The following LRMDA variants were observed in gnomAD, a reference collection of about 807,000 sequenced individuals.
The protein encoded by LRMDA is leucine-rich melanocyte differentiation-associated protein.
Under a neutral mutation model 29.8 loss-of-function variants are expected in LRMDA, and 18 were observed. The ratio of observed to expected loss-of-function variants is 0.60; its 90% CI spans 0.42 to 0.90. The LOEUF (loss-of-function observed/expected upper bound fraction) is 0.90, where lower values mean the gene tolerates loss of function less well. Among genes scored for constraint, LRMDA ranks in the 40% least tolerant of loss-of-function variants. LRMDA has a pLI of 0.00. For synonymous variants in LRMDA, 125 were observed against 109.4 expected (o/e 1.14, Z -0.89); for missense variants, 273 against 273.9 (o/e 1.00, Z 0.02).
chr10:76,416,485 C>T (rs1842016135), intron 6 of LRMDA, among the ~76,000 whole-genome samples: 1 of 152,056 alleles, frequency 6.6e-6, no homozygotes, highest in Admixed American at 6.6e-5. Context: ...CCTTTTTTCC[C>T]AGGTTAGTTA....
chr10:75,557,258 G>A (rs1840226295), intron 2 of LRMDA, among the ~76,000 whole-genome samples: 1 of 151,082 alleles, frequency 6.6e-6, no homozygotes, highest in African/African-American at 2.4e-5. Context: ...AGGTTGCAGT[G>A]AGCTGAGATC....
intron 5 of LRMDA, among the ~76,000 whole-genome samples, chr10:76,175,929 G>C (rs1222143773): frequency 6.6e-6 from 1 of 152,226 alleles, no homozygotes; most frequent in Non-Finnish European, 1.5e-5. Context: ...ACAGAGAACA[G>C]AAACAGGGCC....
At chr10:75,625,099 C>T (rs1841234782) in intron 2 of LRMDA, among the ~76,000 whole-genome samples, 2 of 152,164 alleles carry the variant, frequency 1.3e-5, no homozygotes, top group Non-Finnish European at 2.9e-5. Context: ...GCTTTGCAGA[C>T]ACCAGCCACT....
intron 5 of LRMDA, among the ~76,000 whole-genome samples, chr10:76,174,266 C>A (rs142754743): frequency 3.6e-4 from 55 of 152,154 alleles, no homozygotes; most frequent in African/African-American, 1.3e-3. Context: ...TAAATATATA[C>A]ACCTACCATT....
Position 76,222,341 on chromosome 10 carries a change from A to C in LRMDA, c.517-102060A>C, listed in dbSNP as rs564654279. ...ATCAGAGTGAACAGGCAACCTACAAAATGGGAGAAAATTTTTGCAACCTAC... is the reference window on the plus strand; with the variant it reads ...ATCAGAGTGAACAGGCAACCTACAACATGGGAGAAAATTTTTGCAACCTAC... On this transcript the variant is annotated intron_variant, in intron 5 of 6. Transcript: ENST00000611255. Among the ~76,000 whole-genome samples the C allele has an allele frequency of 9.6e-4, 146 of 152,292 alleles. 3 individuals are homozygous for C. The East Asian group carries it at 0.026, about 27-fold the overall frequency.
intron 2 of LRMDA, among the ~76,000 whole-genome samples, chr10:76,000,647 T>C (rs1407984250): frequency 1.3e-5 from 2 of 152,248 alleles, no homozygotes; most frequent in South Asian, 2.1e-4. Flanking sequence ...GTGAGGCTTA[T>C]TGCTCATGAG....
intron 2 of LRMDA, among the ~76,000 whole-genome samples, chr10:75,529,194 T>C (rs899363441): frequency 5.3e-5 from 8 of 152,190 alleles, no homozygotes; most frequent in African/African-American, 1.9e-4. Context: ...CTCACATGGC[T>C]GTGAAATTTA....
At chr10:75,449,920 C>T (rs1319906863) in intron 2 of LRMDA, among the ~76,000 whole-genome samples, 11 of 152,072 alleles carry the variant, frequency 7.2e-5, no homozygotes, top group Admixed American at 5.2e-4. Context: ...AGAAGAGGTG[C>T]GTGGGGGTGT....
chr10:75,525,172 A>C (rs1226446639), intron 2 of LRMDA, among the ~76,000 whole-genome samples: 1 of 152,198 alleles, frequency 6.6e-6, no homozygotes, highest in Non-Finnish European at 1.5e-5. Context: ...CCTCACTTGG[A>C]TCCTCTGATA....
At chr10:76,392,802 A>G (rs1225061166) in intron 6 of LRMDA, among the ~76,000 whole-genome samples, 3 of 152,104 alleles carry the variant, frequency 2.0e-5, no homozygotes, top group Non-Finnish European at 2.9e-5. Context: ...CTCCTATTTA[A>G]TTGAAATTTT....
chr10:75,887,773 G>A (rs1845416111), intron 2 of LRMDA, among the ~76,000 whole-genome samples: 1 of 152,088 alleles, frequency 6.6e-6, no homozygotes, highest in African/African-American at 2.4e-5. Context: ...CATAAGGCAG[G>A]GGGTCTTCAT....
Position 75,786,858 on chromosome 10 carries a change from A to C in LRMDA, c.132-249150A>C, listed in dbSNP as rs145295563. ...TAGCACACACACTACTTTTGGGCAC[A>C]CAAGTTGTACTAAAAGCCTAGTGAC... On this transcript the variant is annotated intron_variant, in intron 2 of 6. Transcript: ENST00000611255. Among the ~76,000 whole-genome samples the C allele has an allele frequency of 2.0e-4, 31 of 152,356 alleles. No individual in the cohort carries two copies. The East Asian group carries it at 5.6e-3, about 27-fold the overall frequency.
At chr10:75,436,696 C>T (rs1371004143) in intron 1 of LRMDA, among the ~76,000 whole-genome samples, 1 of 151,940 alleles carries the variant, frequency 6.6e-6, no homozygotes, top group African/African-American at 2.4e-5. Context: ...GTGTCGATCC[C>T]CTGACCTCAT....
chr10:76,430,397 A>G (rs1302548926), intron 6 of LRMDA, among the ~76,000 whole-genome samples: 1 of 152,210 alleles, frequency 6.6e-6, no homozygotes, highest in East Asian at 1.9e-4. Flanking sequence ...GGGCTTCTGA[A>G]GTCTTTAAAT....
At chr10:75,611,439 C>G (rs549514421) in intron 2 of LRMDA, among the ~76,000 whole-genome samples, 1 of 152,136 alleles carries the variant, frequency 6.6e-6, no homozygotes, top group Admixed American at 6.5e-5. Context: ...GCTGTGTAAC[C>G]GTTACAACCA....
chr10:76,453,861 A>C (rs554274049), intron 6 of LRMDA, among the ~76,000 whole-genome samples: 2 of 152,344 alleles, frequency 1.3e-5, no homozygotes, highest in African/African-American at 2.4e-5. Flanking sequence ...ATAAAAATAT[A>C]GTGTTTTATG....
chr10:76,047,932 C>G (rs1430657754), intron 4 of LRMDA, among the ~76,000 whole-genome samples: 1 of 152,252 alleles, frequency 6.6e-6, no homozygotes, highest in African/African-American at 2.4e-5. Context: ...GTTCTTCTCT[C>G]TACTTCTCAA....
intron 2 of LRMDA, among the ~76,000 whole-genome samples, chr10:76,013,273 A>C (rs541382065): frequency 5.3e-4 from 80 of 152,038 alleles, no homozygotes; most frequent in African/African-American, 1.7e-3. Flanking sequence ...GCCTAGTCCC[A>C]ATTACATAAT....
chr10:75,518,588 T>C (rs1845321661), intron 2 of LRMDA, among the ~76,000 whole-genome samples: 1 of 152,208 alleles, frequency 6.6e-6, no homozygotes, highest in African/African-American at 2.4e-5. Context: ...GATTCTTCTC[T>C]CTTTTCTTCT....
Sources: gnomAD v4.1 joint callset for allele counts (sites outside exome capture counted in the v4.1 genomes callset) on GRCh38, gnomAD v4.1.1 for gene constraint, MANE v1.5 for transcripts, NCBI Gene and HGNC (gene_info 2026-07-23, HGNC 2026-07-21) for gene names.